Variants in MAPK8 observed in about 807,000 individuals in gnomAD.
MAPK8 encodes the protein mitogen-activated protein kinase 8.
MAPK8 carries 13 observed loss-of-function variants against 52.9 expected under a neutral mutation model. The ratio of observed to expected loss-of-function variants is 0.25; its 90% confidence interval spans 0.16 to 0.39. The LOEUF (loss-of-function observed/expected upper bound fraction) is 0.39, where lower values mean the gene tolerates loss of function less well. Ranked by LOEUF, MAPK8 falls within the 10% of genes least tolerant of loss-of-function variation. The probability of loss-of-function intolerance (pLI) is 1.00; values close to 1 mark genes in which losing one functional copy is unlikely to be tolerated. For synonymous variants in MAPK8, 191 were observed against 169.8 expected, an observed-to-expected ratio of 1.12 and a Z score of -0.97; for missense variants, 300 against 519.2, an observed-to-expected ratio of 0.58 and a Z score of 4.10.
intron 1 of MAPK8, among the ~76,000 whole-genome samples, chr10:48,381,401 C>G (rs2040996399): frequency 6.6e-6 from 1 of 151,836 alleles, no homozygotes; most frequent in Non-Finnish European, 1.5e-5. Context: ...AAAACACATC[C>G]TACTTTCATT....
chr10:48,398,851 A>AG (rs992431739), intron 1 of MAPK8, among the ~76,000 whole-genome samples: 4 of 152,160 alleles, frequency 2.6e-5, no homozygotes, highest in African/African-American at 9.6e-5. Flanking sequence ...TTGGGGGGCA[A>AG]GGGGTAGAGA....
intron 1 of MAPK8, among the ~76,000 whole-genome samples, 198 bp from the exon 2 acceptor site, chr10:48,401,413 TA>T (rs1338197100): frequency 2.0e-5 from 3 of 151,972 alleles, no homozygotes; most frequent in East Asian, 1.9e-4. Context: ...GTTTCTTTTT[TA>T]AAAAAAACTA....
At chr10:48,409,091 T>G (rs932888197) in intron 3 of MAPK8, among the ~76,000 whole-genome samples, 2 of 151,862 alleles carry the variant, frequency 1.3e-5, no homozygotes, top group African/African-American at 4.8e-5. Flanking sequence ...TTGTGTGGGG[T>G]GTGTGTGTGA....
intron 3 of MAPK8, among the ~76,000 whole-genome samples, chr10:48,405,688 G>T (rs1257129207): frequency 2.0e-5 from 3 of 152,206 alleles, no homozygotes; most frequent in Admixed American, 2.0e-4. Flanking sequence ...AATAAACTAG[G>T]AGTGAATTGT....
At chr10:48,318,514 G>A (rs1229770020) in intron 1 of MAPK8, among the ~76,000 whole-genome samples, 1 of 152,184 alleles carries the variant, frequency 6.6e-6, no homozygotes, top group Non-Finnish European at 1.5e-5. Context: ...CAGGGTTTGA[G>A]TAAGTTAACT....
chr10:48,369,577 T>C (rs1222670597), intron 1 of MAPK8, among the ~76,000 whole-genome samples: 1 of 152,126 alleles, frequency 6.6e-6, no homozygotes, highest in African/African-American at 2.4e-5. Flanking sequence ...TGAAATTCTT[T>C]AGTGTTAAGT....
At chr10:48,356,671 G>A (rs1419555380) in intron 1 of MAPK8, among the ~76,000 whole-genome samples, 2 of 151,520 alleles carry the variant, frequency 1.3e-5, no homozygotes, top group Admixed American at 6.6e-5. Context: ...GTGAAACCCC[G>A]TCTTCACTAA....
At chr10:48,398,380 T>C (rs1049312308) in intron 1 of MAPK8, among the ~76,000 whole-genome samples, 5 of 152,150 alleles carry the variant, frequency 3.3e-5, no homozygotes, top group Non-Finnish European at 7.4e-5. Flanking sequence ...TCATTAGTTA[T>C]TAGGAAATGT....
At chr10:48,390,399 T>A (rs2041556524) in intron 1 of MAPK8, among the ~76,000 whole-genome samples, 1 of 152,204 alleles carries the variant, frequency 6.6e-6, no homozygotes, top group Non-Finnish European at 1.5e-5. Context: ...GGTCTATTGG[T>A]AGCCAAAGAA....
chr10:48,331,272 T>C (rs141575446), intron 1 of MAPK8, among the ~76,000 whole-genome samples: 1 of 152,294 alleles, frequency 6.6e-6, no homozygotes, highest in Non-Finnish European at 1.5e-5. Context: ...CATCAAATCT[T>C]ACAGTCTGGG....
At chr10:48,353,841 A>C (rs1243108814) in intron 1 of MAPK8, among the ~76,000 whole-genome samples, 1 of 152,232 alleles carries the variant, frequency 6.6e-6, no homozygotes, top group Non-Finnish European at 1.5e-5. Flanking sequence ...AGGACAAATA[A>C]CAGATTAGTT....
chr10:48,378,718 A>T (rs945326370), intron 1 of MAPK8, among the ~76,000 whole-genome samples: 2 of 151,760 alleles, frequency 1.3e-5, no homozygotes, highest in South Asian at 2.1e-4. Context: ...TCTCCCTTTT[A>T]TTTTTTTAAA....
chr10:48,410,313 C>A (rs1205583212), intron 5 of MAPK8, 145 bp downstream of exon 5: 2 of 561,596 alleles, frequency 3.6e-6, no homozygotes, highest in Admixed American at 7.6e-5. Flanking sequence ...AAAATATTTT[C>A]ATTACCCCCA....
chr10:48,409,963 TAA>T (rs762075897), intron 4 of MAPK8, 26 bp downstream of exon 4: 1 of 1,609,096 alleles, frequency 6.2e-7, no homozygotes, highest in South Asian at 1.1e-5. Flanking sequence ...AAAATTTTGT[TAA>T]GTTAGTACAT....
intron 1 of MAPK8, among the ~76,000 whole-genome samples, chr10:48,330,518 A>G (rs1210497369): frequency 6.6e-6 from 1 of 152,242 alleles, no homozygotes; most frequent in Non-Finnish European, 1.5e-5. Context: ...AGGGATTTGC[A>G]GAAATGTAGA....
intron 3 of MAPK8, 34 bp from the exon 4 acceptor site, chr10:48,409,845 T>C (rs1173098666): frequency 6.9e-7 from 1 of 1,441,180 alleles, no homozygotes; most frequent in African/African-American, 1.4e-5. Context: ...ATGAAGTAAT[T>C]TCTAATTTTT....
chr10:48,401,591 A>G (rs537732401), intron 1 of MAPK8, 21 bp from the exon 2 acceptor site: 270 of 1,542,352 alleles, frequency 1.8e-4, no homozygotes, highest in Admixed American at 3.9e-4. Flanking sequence ...TGTTAACATC[A>G]TGTTTTGTTG....
At chr10:48,313,552 C>G (rs1842193735) in intron 1 of MAPK8, among the ~76,000 whole-genome samples, 1 of 152,238 alleles carries the variant, frequency 6.6e-6, no homozygotes, top group South Asian at 2.1e-4. Context: ...TACGTCTCGT[C>G]AGGTTTTACC....
chr10:48,387,611 G>A (rs2041391862), intron 1 of MAPK8, among the ~76,000 whole-genome samples: 1 of 152,122 alleles, frequency 6.6e-6, no homozygotes, highest in Non-Finnish European at 1.5e-5. Flanking sequence ...ATATCCAGCT[G>A]TACCTGTCTT....
Sources: allele counts gnomAD v4.1 joint callset (sites outside exome capture counted in the v4.1 genomes callset), GRCh38; gene constraint gnomAD v4.1.1; transcripts MANE v1.5; gene names NCBI Gene and HGNC (gene_info 2026-07-23, HGNC 2026-07-21).